Variants in NEB observed in about 807,000 individuals in gnomAD.
The protein encoded by NEB is nemaline myopathy type 2.
NEB carries 512 observed loss-of-function variants against 952.2 expected under a neutral mutation model. That is an observed-to-expected ratio of 0.54 (90% confidence interval 0.50 to 0.58). The LOEUF (loss-of-function observed/expected upper bound fraction) is 0.58, where lower values mean the gene tolerates loss of function less well. Among genes scored for constraint, NEB ranks in the 20% least tolerant of loss-of-function variants. The pLI is 0.00. For missense variants in NEB, 8,428 were observed against 9,231.1 expected (o/e 0.91, Z 3.56); for synonymous variants, 2,900 against 3,149.8 (o/e 0.92, Z 2.66).
intron 52 of NEB, among the ~76,000 whole-genome samples, chr2:151,653,366 C>T (rs2099051738): frequency 6.6e-6 from 1 of 152,156 alleles, no homozygotes; most frequent in Admixed American, 6.5e-5. Context: ...CCTAGTTTTT[C>T]ACCAGATTTG....
At chr2:151,573,407 A>G (rs1156648008) in intron 107 of NEB, among the ~76,000 whole-genome samples, 1 of 152,184 alleles carries the variant, frequency 6.6e-6, no homozygotes, top group Non-Finnish European at 1.5e-5. Flanking sequence ...ACAGATGCCT[A>G]TGGATTGAGT....
At chr2:151,494,091 G>T in intron 174 of NEB, 70 bp downstream of exon 174, 1 of 1,307,270 alleles carries the variant, frequency 7.6e-7, no homozygotes, top group Non-Finnish European at 1.1e-6. Context: ...CTGGGACAGG[G>T]TTAGGAGCAG....
At chr2:151,708,954 A>G (rs1232760641) in intron 12 of NEB, among the ~76,000 whole-genome samples, 1 of 152,228 alleles carries the variant, frequency 6.6e-6, no homozygotes, top group Non-Finnish European at 1.5e-5. Flanking sequence ...TTACACGTGG[A>G]TGCTGTAATA....
chr2:151,732,739 T>G (rs1234411127), intron 3 of NEB, among the ~76,000 whole-genome samples: 1 of 152,128 alleles, frequency 6.6e-6, no homozygotes, highest in African/African-American at 2.4e-5. Context: ...GATCTTTTCT[T>G]CTATTGCTAT....
rs753718572 is a variant in NEB at position 151,640,028 on chromosome 2, T to C, written c.8718A>G (p.Arg2906=). The change falls in exon 62 of 182, where the codon AGA becomes AGG. Residue 2906 remains arginine (R), a synonymous_variant. Transcript: ENST00000397345. Reference sequence around the variant, plus strand: ...AGCCAATGGACACCCAGCCAATGCCTCTCATCCACTGGAGATCAGACTTGT... The same window carrying C: ...AGCCAATGGACACCCAGCCAATGCCCCTCATCCACTGGAGATCAGACTTGT... ...NMYKSDLQWM[R]GIGWVSIGSL... 1.2e-6 allele frequency: 2 copies of C among 1,613,800 alleles called. No individual in the cohort carries two copies. Among genetic ancestry groups the C allele is most frequent in the Non-Finnish European group, 1.7e-6 (2 of 1,179,822 alleles).
chr2:151,675,457 T>G, intron 34 of NEB, 66 bp from the exon 35 acceptor site: 1 of 1,067,682 alleles, frequency 9.4e-7, no homozygotes, highest in Non-Finnish European at 1.4e-6. Context: ...TTTAAAGAGT[T>G]ATTTTTAGCA....
chr2:151,512,084 G>A (rs1427349399), intron 161 of NEB, among the ~76,000 whole-genome samples: 3 of 139,772 alleles, frequency 2.1e-5, no homozygotes, highest in South Asian at 2.3e-4. Context: ...AGGCTGGAGT[G>A]CAGTGGCGTG....
rs1347524577 is a variant in NEB at position 151,697,643 on chromosome 2, T to G, written c.1158A>C (p.Leu386=). ...TTGTCTTTTCATAGTTTTCCTTGTA[T>G]AGTTTCTGTCAAAGAAAAAAAATTC... is the stretch of plus-strand genomic sequence containing the variant. ...KAAGDALSDK[L]YKENYEKTKA... Residue 386 remains leucine (L), a synonymous_variant, in exon 14 of 182, where the codon CTA becomes CTC. Transcript: ENST00000397345. The G allele has an allele frequency of 6.2e-7, 1 of 1,601,098 alleles. No individual in the cohort carries two copies. Among genetic ancestry groups the G allele is most frequent in the Non-Finnish European group, 8.5e-7 (1 of 1,176,162 alleles).
intron 105 of NEB, among the ~76,000 whole-genome samples, chr2:151,578,804 G>A (rs1038820148): frequency 1.3e-5 from 2 of 151,722 alleles, no homozygotes; most frequent in Non-Finnish European, 2.9e-5. Context: ...GGGCAAGGCT[G>A]GGCATGGTGG....
intron 75 of NEB, among the ~76,000 whole-genome samples, chr2:151,616,648 T>A (rs1291455751): frequency 1.3e-5 from 2 of 152,122 alleles, no homozygotes; most frequent in African/African-American, 4.8e-5. Flanking sequence ...GAACCAAAAT[T>A]GTGCCACTGC....
intron 117 of NEB, 53 bp from the exon 118 acceptor site, chr2:151,563,983 T>TTAATTAG: frequency 7.6e-7 from 1 of 1,312,714 alleles, no homozygotes; most frequent in African/African-American, 1.5e-5. Context: ...TTCTTTCAGA[T>TTAATTAG]ACCACTAAAA....
At chr2:151,642,984 C>T in intron 58 of NEB, 115 bp from the exon 59 acceptor site, 1 of 1,167,904 alleles carries the variant, frequency 8.6e-7, no homozygotes, top group South Asian at 1.5e-5. Context: ...GTATTTGTGA[C>T]ATTTTCAGGT....
intron 107 of NEB, 83 bp from the exon 108 acceptor site, chr2:151,570,684 G>A: frequency 7.8e-7 from 1 of 1,281,104 alleles, no homozygotes. Context: ...AATACCACAG[G>A]GGCACAGTTT....
intron 68 of NEB, among the ~76,000 whole-genome samples, chr2:151,628,551 G>T (rs1261642888): frequency 6.6e-6 from 1 of 152,060 alleles, no homozygotes; most frequent in African/African-American, 2.4e-5. Flanking sequence ...ACAGAAGTCC[G>T]AATTTTCAGC....
rs747342665 is a variant in NEB, at chr2:151,492,491, G to T, written c.24769C>A (p.Leu8257Ile). 5.0e-6 allele frequency: 8 copies of T among 1,607,976 alleles called. No individual in the cohort carries two copies. In the Admixed American group the frequency reaches 1.2e-4, roughly 23 times the overall value. ...KRNQENISSV[L>I]YSDSFRKQIQ... ...TGTTTCCGGAAACTATCAGAATAAA[G>T]AACCTGATGCAGGAGAGACCGTGAA... is the stretch of plus-strand genomic sequence containing the variant. Residue 8257 changes from leucine (L) to isoleucine (I), a missense_variant, in exon 177 of 182, where the codon CTT becomes ATT. Leu to Ile is a conservative substitution (Grantham distance 5, BLOSUM62 2). Coordinates refer to ENST00000397345, the MANE Select transcript of NEB (RefSeq NM_001164508.2).
At chr2:151,540,879 T>C in intron 136 of NEB, 78 bp from the exon 137 acceptor site, 1 of 1,251,082 alleles carries the variant, frequency 8.0e-7, no homozygotes, top group Non-Finnish European at 1.2e-6. Flanking sequence ...CATTCATTTC[T>C]AACCATTCAG....
chr2:151,605,640 C>T (rs548066315), intron 84 of NEB, among the ~76,000 whole-genome samples: 9 of 122,398 alleles, frequency 7.4e-5, no homozygotes, highest in South Asian at 2.5e-4. Flanking sequence ...AAGCAGATAA[C>T]GTGGACTAGC....
intron 138 of NEB, among the ~76,000 whole-genome samples, 196 bp from the exon 139 acceptor site, chr2:151,538,440 G>C (rs2093556262): frequency 6.6e-6 from 1 of 152,158 alleles, no homozygotes; most frequent in Admixed American, 6.5e-5. Flanking sequence ...CAACTATGGA[G>C]TTTAACCGAT....
chr2:151,496,154 T>A, intron 173 of NEB, 122 bp downstream of exon 173: 1 of 1,160,536 alleles, frequency 8.6e-7, no homozygotes, highest in Non-Finnish European at 1.2e-6. Context: ...AGGGTAAATT[T>A]GCTAAAGAAA....
Sources: allele counts gnomAD v4.1 joint callset (sites outside exome capture counted in the v4.1 genomes callset), GRCh38; gene constraint gnomAD v4.1.1; transcripts MANE v1.5; gene names NCBI Gene and HGNC (gene_info 2026-07-23, HGNC 2026-07-21).